MOSMO: variants seen among roughly 807,000 people sequenced by gnomAD.
MOSMO encodes modulator of smoothened.
In MOSMO, 5 loss-of-function variants were observed where a neutral mutation model predicts 18.4. That is an observed-to-expected ratio of 0.27 (90% CI 0.14 to 0.57). MOSMO has a LOEUF of 0.57. MOSMO is among the 20% of genes least tolerant of loss of function. MOSMO has a pLI of 0.92. For synonymous variants in MOSMO, 82 were observed against 82.3 expected, an observed-to-expected ratio of 1.00 and a Z score of 0.02; for missense variants, 138 against 211.8, an observed-to-expected ratio of 0.65 and a Z score of 2.16.
intron 1 of MOSMO, among the ~76,000 whole-genome samples, chr16:22,049,020 TG>T (rs1023949372): frequency 3.9e-5 from 6 of 152,166 alleles, no homozygotes; most frequent in Non-Finnish European, 8.8e-5. Context: ...ATATACTGGG[TG>T]GGAGGATATT....
chr16:22,050,186 G>A (rs1161467067), intron 1 of MOSMO, among the ~76,000 whole-genome samples: 2 of 152,116 alleles, frequency 1.3e-5, no homozygotes. Context: ...TAATTCCATT[G>A]GACATGAGGT....
At chr16:22,038,184 T>C (rs1005780371) in intron 1 of MOSMO, among the ~76,000 whole-genome samples, 2 of 152,226 alleles carry the variant, frequency 1.3e-5, no homozygotes, top group Non-Finnish European at 2.9e-5. Flanking sequence ...TATTTCACAG[T>C]ATAACAAGAT....
At chr16:22,065,630 A>T (rs1053204103) in intron 1 of MOSMO, among the ~76,000 whole-genome samples, 13 of 152,320 alleles carry the variant, frequency 8.5e-5, no homozygotes, top group Non-Finnish European at 1.6e-4. Flanking sequence ...ACAAAAAAAA[A>T]ATATATCTAA....
chr16:22,026,148 C>T (rs1899870760), intron 1 of MOSMO, among the ~76,000 whole-genome samples: 1 of 151,578 alleles, frequency 6.6e-6, no homozygotes, highest in African/African-American at 2.4e-5. Flanking sequence ...AGCTAGTGTC[C>T]AAGTCACAAT....
intron 1 of MOSMO, among the ~76,000 whole-genome samples, chr16:22,066,347 A>C (rs1900748195): frequency 6.6e-6 from 1 of 152,226 alleles, no homozygotes; most frequent in Non-Finnish European, 1.5e-5. Context: ...ACTGACAGGC[A>C]AACATAAAGG....
At chr16:22,010,047 A>G (rs553413069) in intron 1 of MOSMO, among the ~76,000 whole-genome samples, 15 of 152,110 alleles carry the variant, frequency 9.9e-5, no homozygotes, top group Admixed American at 2.0e-4. Flanking sequence ...TTTAAGTATT[A>G]CTTATGGTTC....
chr16:22,086,452 T>A (rs931347504), downstream of MOSMO, among the ~76,000 whole-genome samples: 1 of 152,176 alleles, frequency 6.6e-6, no homozygotes, highest in Non-Finnish European at 1.5e-5. Context: ...AGTTTTAAAG[T>A]CCTCCCATAT....
At chr16:22,064,364 T>C in intron 1 of MOSMO, 1 of 456,500 alleles carries the variant, frequency 2.2e-6, no homozygotes, top group Non-Finnish European at 4.4e-6. Context: ...CTCAGTTCTG[T>C]GTACAAACCA....
At chr16:22,060,667 G>C (rs1408249126) in intron 1 of MOSMO, among the ~76,000 whole-genome samples, 1 of 152,168 alleles carries the variant, frequency 6.6e-6, no homozygotes, top group Non-Finnish European at 1.5e-5. Flanking sequence ...GAACTCAGGA[G>C]TTCAAGACTA....
At chr16:22,044,744 G>A (rs1326615728) in intron 1 of MOSMO, among the ~76,000 whole-genome samples, 11 of 152,094 alleles carry the variant, frequency 7.2e-5, no homozygotes, top group Non-Finnish European at 1.5e-4. Flanking sequence ...CTGGTAAGTG[G>A]CAGATCCCCA....
At chr16:22,009,045 G>A (rs1899459197) in intron 1 of MOSMO, among the ~76,000 whole-genome samples, 1 of 152,270 alleles carries the variant, frequency 6.6e-6, no homozygotes, top group East Asian at 1.9e-4. Flanking sequence ...AGTGGGGGGC[G>A]CCGGATTGGA....
intron 2 of MOSMO, among the ~76,000 whole-genome samples, chr16:22,077,550 T>G (rs1401433997): frequency 6.6e-6 from 1 of 152,136 alleles, no homozygotes; most frequent in Non-Finnish European, 1.5e-5. Context: ...CTACTAGAGG[T>G]ATTCAGTGCA....
chr16:22,071,515 C>T (rs1900851372), intron 1 of MOSMO, among the ~76,000 whole-genome samples: 1 of 152,184 alleles, frequency 6.6e-6, no homozygotes, highest in Non-Finnish European at 1.5e-5. Context: ...AACAGACATG[C>T]TCAGACTGGC....
chr16:22,023,329 A>G (rs887278534), intron 1 of MOSMO, among the ~76,000 whole-genome samples: 18 of 152,178 alleles, frequency 1.2e-4, no homozygotes, highest in African/African-American at 4.3e-4. Flanking sequence ...GGTTCTTACC[A>G]TTCAGTAGGT....
At chr16:22,070,635 T>A (rs1297668704) in intron 1 of MOSMO, among the ~76,000 whole-genome samples, 2 of 152,222 alleles carry the variant, frequency 1.3e-5, no homozygotes, top group East Asian at 3.8e-4. Context: ...TGTGGCTCAT[T>A]AAGTTTCTTT....
At chr16:22,024,502 C>G (rs1448914452) in intron 1 of MOSMO, among the ~76,000 whole-genome samples, 1 of 151,690 alleles carries the variant, frequency 6.6e-6, no homozygotes, top group African/African-American at 2.4e-5. Context: ...GTAGCTGGGA[C>G]TATATAGGCT....
chr16:22,018,243 G>T (rs1451874107), intron 1 of MOSMO, among the ~76,000 whole-genome samples: 1 of 152,140 alleles, frequency 6.6e-6, no homozygotes, highest in East Asian at 1.9e-4. Flanking sequence ...AGAAAAAAAT[G>T]CAGTTGGGTG....
chr16:22,058,076 G>T (rs1029483538), intron 1 of MOSMO, among the ~76,000 whole-genome samples: 1 of 152,122 alleles, frequency 6.6e-6, no homozygotes, highest in African/African-American at 2.4e-5. Flanking sequence ...TCCTAACAGT[G>T]ATGGAAGCCA....
downstream of MOSMO, chr16:22,090,184 G>T (rs1157903709): frequency 6.6e-6 from 1 of 152,214 alleles, no homozygotes; most frequent in African/African-American, 2.4e-5. Context: ...GTAAGGAAAA[G>T]TTTGGTACTG....
Sources: gnomAD v4.1 joint callset for allele counts (sites outside exome capture counted in the v4.1 genomes callset) on GRCh38, gnomAD v4.1.1 for gene constraint, MANE v1.5 for transcripts, NCBI Gene and HGNC (gene_info 2026-07-23, HGNC 2026-07-21) for gene names.